AP3M2: variants seen among roughly 807,000 people sequenced by gnomAD.
AP3M2 encodes the protein adaptor related protein complex 3 subunit mu 2, also known as AP-3 complex subunit mu-2.
AP3M2 carries 28 observed loss-of-function variants against 41.6 expected under a neutral mutation model. The ratio of observed to expected loss-of-function variants is 0.67; its 90% CI spans 0.50 to 0.92. The LOEUF (loss-of-function observed/expected upper bound fraction) is 0.92. Among genes scored for constraint, AP3M2 ranks in the 40% least tolerant of loss-of-function variants. The pLI is 0.00. For missense variants in AP3M2, 427 were observed against 521.4 expected, an observed-to-expected ratio of 0.82 and a Z score of 1.76; for synonymous variants, 193 against 186.4, an observed-to-expected ratio of 1.04 and a Z score of -0.29.
rs1307048600 is a variant in AP3M2 at position 42,167,782 on chromosome 8, G to C, written c.1128G>C (p.Gln376His). 6.2e-7 allele frequency: 1 copy of C among 1,613,884 alleles called. No homozygotes were observed. Among genetic ancestry groups the C allele is most frequent in the Admixed American group, 1.7e-5 (1 of 59,936 alleles). ...KPDENPTINL[Q>H]FKIQQLAISG... ...ATGAAAACCCCACAATTAACCTGCA[G>C]TTTAAGATCCAGCAGCTGGCCATTT... The change falls in exon 8 of 9, where the codon CAG becomes CAC. Residue 376 changes from glutamine to histidine, a missense_variant. This residue lies in a region of AP3M2 where 237 missense variants were observed against 284.9 expected (regional missense o/e 0.83). Coordinates refer to ENST00000396926, the MANE Select transcript of AP3M2 (RefSeq NM_006803.4).
At chr8:42,160,532 A>T (rs532398275) in intron 3 of AP3M2, among the ~76,000 whole-genome samples, 1 of 152,258 alleles carries the variant, frequency 6.6e-6, no homozygotes, top group Non-Finnish European at 1.5e-5. Context: ...CACAGACTTT[A>T]TAATTATTAG....
chr8:42,158,087 T>G lies in AP3M2; in HGVS notation c.420T>G (p.Leu140=). The G allele has an allele frequency of 6.2e-7, 1 of 1,613,938 alleles. No individual in the cohort carries two copies. Among genetic ancestry groups the G allele is most frequent in the Non-Finnish European group, 8.5e-7 (1 of 1,179,896 alleles). Residue 140 remains leucine, a synonymous_variant, in exon 3 of 9, where the codon CTT becomes CTG. Coordinates refer to ENST00000396926, the MANE Select transcript of AP3M2 (RefSeq NM_006803.4). Reference sequence around the variant, plus strand: ...AACTCATAAAGCCTCCTACCATCCTTCGAACGGTTGTCAACACCATCACAG... The same window carrying G: ...AACTCATAAAGCCTCCTACCATCCTGCGAACGGTTGTCAACACCATCACAG... ...LKELIKPPTI[L]RTVVNTITGS...
At chr8:42,158,500 C>T (rs962159492) in intron 3 of AP3M2, among the ~76,000 whole-genome samples, 2 of 152,096 alleles carry the variant, frequency 1.3e-5, no homozygotes, top group Admixed American at 6.5e-5. Flanking sequence ...CCACCTGCCT[C>T]GGCCTCCCAA....
chr8:42,154,629 CAG>C lies in AP3M2; in HGVS notation c.-56_-55del. The C allele has an allele frequency of 9.5e-6, 15 of 1,572,910 alleles. No homozygotes were observed. Among genetic ancestry groups the C allele is most frequent in the South Asian group, 2.4e-5 (2 of 85,062 alleles). ...TTTTGTTTTTAGAGTTGAAAACTTA[CAG>C]AGTCCTGAGGCTTTCAGACTGAAAA... On this transcript the variant is annotated 5_prime_UTR_variant, in exon 2 of 9. Coordinates refer to ENST00000396926, the MANE Select transcript of AP3M2 (RefSeq NM_006803.4).
rs530198572 is a variant in AP3M2, at chr8:42,170,623, TGACTTTGG to T, written c.*1567_*1574del. ...CAAAGTTTTTGCTAGTTTTATCTTC[TGACTTTGG>T]GACTAGTTTTTGCTGCAGAGTTGTG... On this transcript the variant is annotated 3_prime_UTR_variant, in exon 9 of 9. Transcript: ENST00000396926. The T allele has an allele frequency of 2.6e-5, 4 of 152,480 alleles. No homozygotes were observed. In the South Asian group the frequency reaches 8.3e-4, roughly 32 times the overall value. 9.4% of individuals were successfully genotyped at this position (152,480 alleles called of 1,614,324 possible).
chr8:42,167,185 T>C lies in AP3M2; in HGVS notation c.825T>C (p.Tyr275=), dbSNP rs1388430784. 11 of 1,614,062 alleles carry C rather than the reference T, an allele frequency of 6.8e-6. No individual in the cohort carries two copies. In the South Asian group the frequency reaches 1.1e-4, roughly 16 times the overall value. The change falls in exon 7 of 9, where the codon TAT becomes TAC. Residue 275 remains tyrosine (Y), a synonymous_variant. Transcript: ENST00000396926. ...SAQNLVAIPV[Y]VKHNISFRDS... is the part of the protein sequence containing the mutation. ...CCAGTCTGGTTGCAATCCCAGTGTA[T>C]GTCAAACATAACATCAGTTTCCGGG...
intron 1 of AP3M2, 102 bp from the exon 2 acceptor site, chr8:42,154,514 T>A: frequency 1.2e-6 from 1 of 859,568 alleles, no homozygotes; most frequent in East Asian, 2.7e-5. Context: ...GAGGGGAAGA[T>A]TGGGCCTGGT....
intron 1 of AP3M2, 102 bp from the exon 2 acceptor site, chr8:42,154,514 T>C (rs1198542229): frequency 7.0e-6 from 6 of 859,450 alleles, no homozygotes; most frequent in South Asian, 1.9e-5. Context: ...GAGGGGAAGA[T>C]TGGGCCTGGT....
At position 42,154,908 on chromosome 8, in the gene AP3M2, T is replaced by TC. The variant is rs759247606; in HGVS notation, c.227dup (p.Leu77SerfsTer5). The TC allele has an allele frequency of 1.2e-6, 2 of 1,613,948 alleles. No homozygotes were observed. The highest frequency in any genetic ancestry group is 1.1e-5 in the South Asian group (1 of 91,054). On this transcript the variant is annotated frameshift_variant, in exon 2 of 9. Coordinates refer to ENST00000396926, the MANE Select transcript of AP3M2 (RefSeq NM_006803.4). LOFTEE classifies it high-confidence loss of function. ...TTTGTGGCCGTGATCCAGACGGAGGTCCCCCCTCTGTTTGTCATTGAGTTT... is the reference window on the plus strand; with the variant it reads ...TTTGTGGCCGTGATCCAGACGGAGGTCCCCCCCTCTGTTTGTCATTGAGTTT...
At position 42,168,941 on chromosome 8, in the gene AP3M2, C is replaced by T. The variant is rs748135906; in HGVS notation, c.1157-20C>T. 2.6e-6 allele frequency: 4 copies of T among 1,562,610 alleles called. No individual in the cohort carries two copies. Among genetic ancestry groups the T allele is most frequent in the South Asian group, 2.3e-5 (2 of 86,430 alleles). On this transcript the variant is annotated intron_variant, in intron 8 of 8. Coordinates refer to ENST00000396926, the MANE Select transcript of AP3M2 (RefSeq NM_006803.4). ...TTGAATAATACTCATGTCTATTTTC[C>T]CTCTCTCCCTCCTTTCTAGGACTCA...
Position 42,169,179 on chromosome 8 carries a change from CT to C in AP3M2, c.*124del. The C allele has an allele frequency of 9.7e-6, 7 of 724,510 alleles. No homozygotes were observed. The highest frequency in any genetic ancestry group is 1.5e-5 in the Non-Finnish European group (7 of 462,440). The allele number at this position is 724,510 out of a possible 1,614,324, so 44.9% of individuals were successfully genotyped here. On this transcript the variant is annotated 3_prime_UTR_variant, in exon 9 of 9. Coordinates refer to ENST00000396926, the MANE Select transcript of AP3M2 (RefSeq NM_006803.4). ...GTCCCCTCCTGGACCCACCCGCTCC[CT>C]TTTTTCCTTAGCCTTCAGTGCCATG...
chr8:42,165,158 T>G lies in AP3M2; in HGVS notation c.669+2T>G. ...CCAGACCTTACACTTTCCTTCATGG[T>G]AAAATCCTGGGCCAGAGATTAAGTT... On this transcript the variant is annotated splice_donor_variant, in intron 5 of 8. Coordinates refer to ENST00000396926, the MANE Select transcript of AP3M2 (RefSeq NM_006803.4). LOFTEE classifies it high-confidence loss of function. 1 of 1,613,296 alleles carries G rather than the reference T, an allele frequency of 6.2e-7. No homozygotes were observed. The highest frequency in any genetic ancestry group is 8.5e-7 in the Non-Finnish European group (1 of 1,179,514).
intron 8 of AP3M2, among the ~76,000 whole-genome samples, chr8:42,168,671 A>G (rs1804704651): frequency 6.6e-6 from 1 of 152,208 alleles, no homozygotes; most frequent in Non-Finnish European, 1.5e-5. Flanking sequence ...AATTTGAGAA[A>G]AATCATGCAG....
chr8:42,157,540 T>C (rs1270687743), intron 2 of AP3M2, among the ~76,000 whole-genome samples: 1 of 152,212 alleles, frequency 6.6e-6, no homozygotes, highest in Non-Finnish European at 1.5e-5. Context: ...TGTTAAGAAA[T>C]AGCACAGCAG....
In AP3M2 at chr8:42,165,117, C is replaced by T. The variant is rs1804604855; in HGVS notation, c.630C>T (p.Val210=). The stretch of plus-strand genomic sequence containing the variant: ...TCCAGGGGGTGATTGATGCCTGTGT[C>T]AAGCTGACTGGCATGCCAGACCTTA... The part of the protein sequence containing the change: ...AEIQGVIDAC[V]KLTGMPDLTL... The change falls in exon 5 of 9, where the codon GTC becomes GTT. Residue 210 remains valine, a synonymous_variant. Coordinates refer to ENST00000396926, the MANE Select transcript of AP3M2 (RefSeq NM_006803.4). The T allele has an allele frequency of 1.2e-6, 2 of 1,613,918 alleles. No individual in the cohort carries two copies. Among genetic ancestry groups the T allele is most frequent in the Non-Finnish European group, 1.7e-6 (2 of 1,180,010 alleles).
chr8:42,168,278 T>G, intron 8 of AP3M2: 1 of 454,608 alleles, frequency 2.2e-6, no homozygotes, highest in Non-Finnish European at 4.4e-6. Flanking sequence ...GTGCCGACCT[T>G]AGCACGGTAG....
In AP3M2 at chr8:42,159,577, G is replaced by A. The variant is rs918891757; in HGVS notation, c.445+1465G>A. On this transcript the variant is annotated intron_variant, in intron 3 of 8. Transcript: ENST00000396926. ...TGTTGAAATGTATTTCTTTTTTCAT[G>A]TGGATTTAAAATCTCTTTTATGGGA... Among the ~76,000 whole-genome samples, 5 of 151,792 alleles carry A rather than the reference G, an allele frequency of 3.3e-5. No homozygotes were observed. The East Asian group carries it at 7.7e-4, about 23-fold the overall frequency.
In AP3M2 at chr8:42,165,116, TCAAGCTGACTGGCATGC is replaced by T; in HGVS notation, c.632_648del (p.Lys211ArgfsTer10). The stretch of plus-strand genomic sequence containing the variant: ...ATCCAGGGGGTGATTGATGCCTGTG[TCAAGCTGACTGGCATGC>T]CAGACCTTACACTTTCCTTCATGGT... On this transcript the variant is annotated frameshift_variant, in exon 5 of 9. Coordinates refer to ENST00000396926, the MANE Select transcript of AP3M2 (RefSeq NM_006803.4). LOFTEE classifies it high-confidence loss of function. 6.2e-7 allele frequency: 1 copy of T among 1,614,142 alleles called. No individual in the cohort carries two copies.
intron 6 of AP3M2, among the ~76,000 whole-genome samples, chr8:42,165,965 T>C (rs1448123596): frequency 1.3e-5 from 2 of 152,170 alleles, no homozygotes; most frequent in Admixed American, 6.5e-5. Context: ...AACGCAGTGA[T>C]TTTTGGTCTT....
Sources: allele counts gnomAD v4.1 joint callset (sites outside exome capture counted in the v4.1 genomes callset), GRCh38; gene constraint gnomAD v4.1.1; regional missense constraint gnomAD v4.1.1; transcripts MANE v1.5; gene names NCBI Gene and HGNC (gene_info 2026-07-23, HGNC 2026-07-21).